The following ZDHHC15 variants were observed in gnomAD, a reference collection of about 807,000 sequenced individuals.
ZDHHC15 encodes zDHHC palmitoyltransferase 15.
Under a neutral mutation model 31.7 loss-of-function variants are expected in ZDHHC15, and 19 were observed. The observed-to-expected ratio is 0.60, with a 90% confidence interval of 0.42 to 0.88. The LOEUF (loss-of-function observed/expected upper bound fraction) is 0.88. Ranked by LOEUF, ZDHHC15 falls within the 40% of genes least tolerant of loss-of-function variation. The pLI is 0.00. For synonymous variants in ZDHHC15, 103 were observed against 90.0 expected, an observed-to-expected ratio of 1.14 and a Z score of -0.82; for missense variants, 209 against 251.2, an observed-to-expected ratio of 0.83 and a Z score of 1.14.
intron 11 of ZDHHC15, among the ~76,000 whole-genome samples, chrX:75,376,509 T>C (rs941100367): frequency 8.1e-5 from 9 of 111,544 alleles, no homozygotes; most frequent in Non-Finnish European, 1.1e-4. Flanking sequence ...TTCCTAGGGT[T>C]GCTTCTAGGA....
In ZDHHC15 at chrX:75,440,210, C is replaced by T. The variant is rs1470282637; in HGVS notation, c.380-8690G>A. Among the ~76,000 whole-genome samples the T allele has an allele frequency of 2.7e-5, 3 of 111,888 alleles. No homozygotes were observed. The East Asian group carries it at 8.4e-4, about 31-fold the overall frequency. ...GGACCTCTGGTTAGCCAGGATGTCC[C>T]AGGCAGTGGAATTAGCTGTTGTTTT... On this transcript the variant is annotated intron_variant, in intron 4 of 11. Transcript: ENST00000373367.
At chrX:75,488,157 C>T (rs1291498922) in intron 2 of ZDHHC15, among the ~76,000 whole-genome samples, 2 of 111,595 alleles carry the variant, frequency 1.8e-5, no homozygotes, top group African/African-American at 6.5e-5. Context: ...CATCCGAATA[C>T]AAGAAGCCAA....
intron 3 of ZDHHC15, among the ~76,000 whole-genome samples, chrX:75,462,741 T>G (rs769476115): frequency 6.3e-5 from 7 of 111,575 alleles, no homozygotes; most frequent in African/African-American, 2.3e-4. Context: ...AAAGACAATG[T>G]ACCAGAATCT....
chrX:75,398,717 C>T (rs766952182), intron 10 of ZDHHC15, among the ~76,000 whole-genome samples: 62 of 110,946 alleles, frequency 5.6e-4, no homozygotes, highest in Non-Finnish European at 9.3e-4. Flanking sequence ...GATCTGAACT[C>T]CCCCTGGGAC....
intron 10 of ZDHHC15, among the ~76,000 whole-genome samples, chrX:75,415,811 T>C (rs754149190): frequency 1.8e-5 from 2 of 112,622 alleles, no homozygotes; most frequent in African/African-American, 3.2e-5. Context: ...ATAACCTCTT[T>C]ATGATGTGAT....
At chrX:75,517,222 A>C (rs1260550604) in intron 1 of ZDHHC15, among the ~76,000 whole-genome samples, 1 of 111,730 alleles carries the variant, frequency 9.0e-6, no homozygotes, top group African/African-American at 3.3e-5. Flanking sequence ...ATTGACCCAG[A>C]GATCCCATTA....
chrX:75,441,570 C>G (rs949709126), intron 4 of ZDHHC15, among the ~76,000 whole-genome samples: 1 of 109,523 alleles, frequency 9.1e-6, no homozygotes, highest in Non-Finnish European at 1.9e-5. Flanking sequence ...ATGCTTCTTT[C>G]AAAGGATCTG....
At chrX:75,425,850 T>G (rs763907977) in intron 7 of ZDHHC15, among the ~76,000 whole-genome samples, 5 of 111,488 alleles carry the variant, frequency 4.5e-5, no homozygotes, top group Non-Finnish European at 9.4e-5. Flanking sequence ...ATATTTTTAT[T>G]CATTTTTATG....
In ZDHHC15 at chrX:75,480,000, T is replaced by C. The variant is rs769035183; in HGVS notation, c.164-1015A>G. Among the ~76,000 whole-genome samples the C allele has an allele frequency of 2.7e-5, 3 of 111,750 alleles. No homozygotes were observed. In the Admixed American group the frequency reaches 2.9e-4, roughly 11 times the overall value. Reference sequence around the variant, plus strand: ...TCTTCTCATATGCGATATTTTGGTATTCTCCACAGAGGTGGTTATAAGACT... The same window carrying C: ...TCTTCTCATATGCGATATTTTGGTACTCTCCACAGAGGTGGTTATAAGACT... On this transcript the variant is annotated intron_variant, in intron 2 of 11. Coordinates refer to ENST00000373367, the MANE Select transcript of ZDHHC15 (RefSeq NM_144969.3).
At chrX:75,492,486 C>T (rs956327880) in intron 2 of ZDHHC15, among the ~76,000 whole-genome samples, 12 of 111,582 alleles carry the variant, frequency 1.1e-4, no homozygotes, top group Admixed American at 1.9e-4. Flanking sequence ...ACGTTCTTCT[C>T]AGCACCACAC....
At chrX:75,485,857 C>T (rs1023088889) in intron 2 of ZDHHC15, among the ~76,000 whole-genome samples, 1 of 112,053 alleles carries the variant, frequency 8.9e-6, no homozygotes, top group African/African-American at 3.2e-5. Flanking sequence ...CGTTCAAGTA[C>T]TTTCATAATC....
intron 3 of ZDHHC15, among the ~76,000 whole-genome samples, chrX:75,465,477 A>T (rs1436052611): frequency 8.9e-6 from 1 of 111,892 alleles, no homozygotes; most frequent in Non-Finnish European, 1.9e-5. Flanking sequence ...GTATGGAACC[A>T]AAAAAGAGCC....
Position 75,371,197 on chromosome X carries a change from T to A in ZDHHC15, c.*1781A>T, listed in dbSNP as rs1055402475. 1 of 111,742 alleles carries A rather than the reference T, an allele frequency of 8.9e-6. No individual in the cohort carries two copies. Among genetic ancestry groups the A allele is most frequent in the Non-Finnish European group, 1.9e-5 (1 of 53,200 alleles). The allele number at this position is 111,742 out of a possible 1,213,427, so 9.2% of individuals were successfully genotyped here. A position where few individuals can be genotyped will look rare whatever the true frequency, so the allele number is the denominator to read the frequency against. On this transcript the variant is annotated 3_prime_UTR_variant, in exon 12 of 12. Transcript: ENST00000373367. ...ACAAGGCTTGTCTGTCATAAAACCA[T>A]GGGAATGGCCAAATAAGGTTTCAGG...
intron 2 of ZDHHC15, 147 bp downstream of exon 2, chrX:75,505,674 G>T: frequency 1.6e-6 from 1 of 634,659 alleles, no homozygotes; most frequent in Non-Finnish European, 2.4e-6. Flanking sequence ...CTCTGTGTAA[G>T]CTTCCTGAAA....
At position 75,392,751 on chromosome X, in the gene ZDHHC15, C is replaced by A. The variant is rs748581647; in HGVS notation, c.968-13553G>T. Among the ~76,000 whole-genome samples, 17 of 111,843 alleles carry A rather than the reference C, an allele frequency of 1.5e-4. No individual in the cohort carries two copies. In the East Asian group the frequency reaches 3.7e-3, roughly 24 times the overall value. On this transcript the variant is annotated intron_variant, in intron 10 of 11. Transcript: ENST00000373367. ...AAAGGAAATAAAATGAAGATATTTT[C>A]TTAGTACAAGTGTATATAGGCATAA...
At chrX:75,442,910 C>A (rs1213162139) in intron 4 of ZDHHC15, among the ~76,000 whole-genome samples, 1 of 102,156 alleles carries the variant, frequency 9.8e-6, no homozygotes, top group Non-Finnish European at 2.0e-5. Flanking sequence ...GGCGTGAACC[C>A]AGGAGGCGGA....
At chrX:75,430,118 C>G (rs1017448685) in intron 5 of ZDHHC15, 138 bp from the exon 6 acceptor site, 2 of 619,292 alleles carry the variant, frequency 3.2e-6, no homozygotes, top group African/African-American at 4.6e-5. Context: ...TATAGTGACT[C>G]CAAAACTGTG....
At chrX:75,441,784 C>T (rs955997042) in intron 4 of ZDHHC15, among the ~76,000 whole-genome samples, 30 of 109,933 alleles carry the variant, frequency 2.7e-4, no homozygotes, top group South Asian at 7.9e-4. Flanking sequence ...CCACTGCGCA[C>T]GGCTAATTTT....
rs759887393 is a variant in ZDHHC15 at position 75,417,161 on chromosome X, C to A, written c.893G>T (p.Arg298Met). The stretch of plus-strand genomic sequence containing the variant: ...TGGGTTCTGTGACTCATTCATAGAC[C>A]TCATAGGGAAGGAGTGTCCATCACC... ...SPGDGHSFPM[R>M]SMNESQNPLL... The change falls in exon 10 of 12, where the codon AGG becomes ATG. Residue 298 changes from arginine (R) to methionine (M), a missense_variant. Coordinates refer to ENST00000373367, the MANE Select transcript of ZDHHC15 (RefSeq NM_144969.3). The A allele has an allele frequency of 1.7e-5, 21 of 1,205,811 alleles. No homozygotes were observed. The highest frequency in any genetic ancestry group is 2.2e-5 in the Non-Finnish European group (20 of 892,628).
Sources: gnomAD v4.1 joint callset for allele counts (sites outside exome capture counted in the v4.1 genomes callset) on GRCh38, gnomAD v4.1.1 for gene constraint, MANE v1.5 for transcripts, NCBI Gene and HGNC (gene_info 2026-07-23, HGNC 2026-07-21) for gene names.